NEDD9: variants seen among roughly 807,000 people sequenced by gnomAD.
NEDD9 encodes neural precursor cell expressed, developmentally down-regulated 9.
In NEDD9, 26 loss-of-function variants were observed where a neutral mutation model predicts 76.6. That is an observed-to-expected ratio of 0.34 (90% CI 0.25 to 0.47). NEDD9 has a LOEUF of 0.47. NEDD9 is among the 20% of genes least tolerant of loss of function. The probability of loss-of-function intolerance (pLI) is 1.00; values close to 1 mark genes in which losing one functional copy is unlikely to be tolerated. For synonymous variants in NEDD9, 392 were observed against 414.2 expected, an observed-to-expected ratio of 0.95 and a Z score of 0.65; for missense variants, 937 against 1,058.5, an observed-to-expected ratio of 0.89 and a Z score of 1.59.
chr6:11,249,069 G>A, intron 3 of NEDD9: 1 of 453,796 alleles, frequency 2.2e-6, no homozygotes, highest in Non-Finnish European at 4.4e-6. Context: ...TGACTGGGCT[G>A]CAATGCCCAC....
In NEDD9 at chr6:11,339,021, C is replaced by T. The variant is rs1448820304; in HGVS notation, c.-213-4460G>A. Reference sequence around the variant, plus strand: ...AAATAAAACTATCTGGATCTAGGTGCATATACAAATAAATTCAAAAGATAT... The same window carrying T: ...AAATAAAACTATCTGGATCTAGGTGTATATACAAATAAATTCAAAAGATAT... On this transcript the variant is annotated intron_variant, in intron 1 of 3. Transcript: ENST00000397378. Among the ~76,000 whole-genome samples the T allele has an allele frequency of 5.3e-5, 8 of 151,248 alleles. 1 individual carries two copies. Among genetic ancestry groups the T allele is most frequent in the African/African-American group, 1.5e-4 (6 of 41,094 alleles).
At chr6:11,226,749 T>A (rs1759320815) in intron 1 of NEDD9, among the ~76,000 whole-genome samples, 2 of 152,252 alleles carry the variant, frequency 1.3e-5, no homozygotes, top group African/African-American at 4.8e-5. Context: ...CATATCTATA[T>A]ATCTGTATAT....
intron 3 of NEDD9, among the ~76,000 whole-genome samples, chr6:11,288,100 G>T (rs78321222): frequency 6.6e-6 from 1 of 152,316 alleles, no homozygotes; most frequent in East Asian, 1.9e-4. Context: ...ATCACTAGAG[G>T]TGGTCATGTT....
chr6:11,308,617 C>T (rs1402583661), intron 2 of NEDD9, among the ~76,000 whole-genome samples: 1 of 152,080 alleles, frequency 6.6e-6, no homozygotes, highest in Non-Finnish European at 1.5e-5. Context: ...GATCCGCCCA[C>T]CTCAGCCTCC....
At chr6:11,365,587 T>C in intron 1 of NEDD9, among the ~76,000 whole-genome samples, 1 of 152,106 alleles carries the variant, frequency 6.6e-6, no homozygotes, top group East Asian at 1.9e-4. Flanking sequence ...CAAGACCAAA[T>C]CCTTCCCTGC....
At chr6:11,214,202 A>G in intron 1 of NEDD9, 1 of 518,838 alleles carries the variant, frequency 1.9e-6, no homozygotes, top group Non-Finnish European at 3.8e-6. Context: ...TAGCATTTAT[A>G]TTTGGAGTTG....
At chr6:11,297,450 G>T (rs1026552206) in intron 3 of NEDD9, among the ~76,000 whole-genome samples, 4 of 152,158 alleles carry the variant, frequency 2.6e-5, no homozygotes, top group African/African-American at 9.7e-5. Context: ...GGCTTCCCCA[G>T]TGAATTTTTC....
chr6:11,218,309 C>T (rs566415011), intron 1 of NEDD9, among the ~76,000 whole-genome samples: 20 of 152,062 alleles, frequency 1.3e-4, no homozygotes, highest in Non-Finnish European at 2.5e-4. Context: ...CCCTGCTTTC[C>T]ACCTCACTGC....
chr6:11,235,008 G>A, upstream of NEDD9, among the ~76,000 whole-genome samples: 1 of 152,050 alleles, frequency 6.6e-6, no homozygotes, highest in East Asian at 1.9e-4. The surrounding 1 kb of genome is among the most constrained non-coding windows in gnomAD (Gnocchi z 4.1). Context: ...CACTGTGCCT[G>A]GCCAGTTGAA....
intron 1 of NEDD9, among the ~76,000 whole-genome samples, chr6:11,369,316 A>G (rs1476699146): frequency 6.6e-6 from 1 of 152,240 alleles, no homozygotes; most frequent in Non-Finnish European, 1.5e-5. Flanking sequence ...TTATTTATTA[A>G]CAAATTAACA....
At chr6:11,308,943 T>C (rs1011903301) in intron 2 of NEDD9, among the ~76,000 whole-genome samples, 6 of 152,226 alleles carry the variant, frequency 3.9e-5, no homozygotes, top group Admixed American at 2.6e-4. Flanking sequence ...AGATTTTTAT[T>C]TGTATATAAG....
chr6:11,258,431 G>T (rs1390163717), intron 3 of NEDD9: 1 of 152,184 alleles, frequency 6.6e-6, no homozygotes, highest in Non-Finnish European at 1.5e-5. Context: ...TTGGTATCAA[G>T]AATTTTAAAG....
At chr6:11,214,293 C>T (rs1234707773) in intron 1 of NEDD9, 1 of 474,374 alleles carries the variant, frequency 2.1e-6, no homozygotes, top group African/African-American at 2.0e-5. Context: ...GCCTTGGATC[C>T]AGAGAGAATC....
intron 3 of NEDD9, among the ~76,000 whole-genome samples, chr6:11,264,979 G>A (rs1760178007): frequency 1.3e-5 from 2 of 152,208 alleles, no homozygotes; most frequent in South Asian, 2.1e-4. Flanking sequence ...GGTTACAGGC[G>A]TAAGCCACTG....
chr6:11,341,219 C>T (rs1333559490), intron 1 of NEDD9, among the ~76,000 whole-genome samples: 1 of 152,130 alleles, frequency 6.6e-6, no homozygotes, highest in Non-Finnish European at 1.5e-5. Flanking sequence ...AGTTTTCAGA[C>T]AATGGAAAAT....
chr6:11,319,760 A>G (rs554866930), intron 2 of NEDD9, among the ~76,000 whole-genome samples: 135 of 146,162 alleles, frequency 9.2e-4, no homozygotes, highest in African/African-American at 3.2e-3. Flanking sequence ...TAACATGCAC[A>G]CTAACATGCA....
At chr6:11,336,975 C>T (rs1762173518) in intron 1 of NEDD9, among the ~76,000 whole-genome samples, 1 of 152,164 alleles carries the variant, frequency 6.6e-6, no homozygotes, top group African/African-American at 2.4e-5. Context: ...AATCTCAGCA[C>T]TTTGGGAGGC....
intron 2 of NEDD9, among the ~76,000 whole-genome samples, chr6:11,315,919 G>T (rs572973921): frequency 5.1e-4 from 78 of 152,192 alleles, no homozygotes; most frequent in Non-Finnish European, 9.4e-4. Context: ...AGGAAAAAGG[G>T]CATGGTGGTG....
intron 1 of NEDD9, among the ~76,000 whole-genome samples, chr6:11,364,014 GGAACATGT>G (rs1762720887): frequency 6.6e-6 from 1 of 152,158 alleles, no homozygotes. Context: ...CTGGCATCTG[GGAACATGT>G]GAGGGGTTCC....
Sources: allele counts gnomAD v4.1 joint callset (sites outside exome capture counted in the v4.1 genomes callset), GRCh38; gene constraint gnomAD v4.1.1; non-coding constraint Gnocchi (gnomAD v3.1); transcripts MANE v1.5; gene names NCBI Gene and HGNC (gene_info 2026-07-23, HGNC 2026-07-21).